The following PALLD variants were observed in gnomAD, a reference collection of about 807,000 sequenced individuals.
The protein encoded by PALLD is palladin, cytoskeletal associated protein.
PALLD carries 61 observed loss-of-function variants against 123.5 expected under a neutral mutation model. The ratio of observed to expected loss-of-function variants is 0.49; its 90% confidence interval spans 0.40 to 0.61. The LOEUF (loss-of-function observed/expected upper bound fraction) is 0.61, where lower values mean the gene tolerates loss of function less well. Among genes scored for constraint, PALLD ranks in the 20% least tolerant of loss-of-function variants. The probability of loss-of-function intolerance (pLI) is 0.00; values close to 1 mark genes in which losing one functional copy is unlikely to be tolerated. For missense variants in PALLD, 1,273 were observed against 1,377.0 expected (o/e 0.92, Z 1.20); for synonymous variants, 465 against 496.4 (o/e 0.94, Z 0.84).
intron 10 of PALLD, among the ~76,000 whole-genome samples, chr4:168,733,765 G>A (rs772951870): frequency 2.0e-5 from 3 of 150,710 alleles, no homozygotes; most frequent in Non-Finnish European, 4.5e-5. Flanking sequence ...ACGGAGTCTC[G>A]CTCTTTTGCC....
chr4:168,817,326 G>A (rs1432584636), intron 10 of PALLD, among the ~76,000 whole-genome samples: 1 of 152,196 alleles, frequency 6.6e-6, no homozygotes, highest in Non-Finnish European at 1.5e-5. Flanking sequence ...TTTAGCCCAA[G>A]ATGATGGAAG....
At chr4:168,767,786 A>G (rs1733884218) in intron 10 of PALLD, among the ~76,000 whole-genome samples, 1 of 152,142 alleles carries the variant, frequency 6.6e-6, no homozygotes, top group Non-Finnish European at 1.5e-5. Context: ...ACCTCAGGTA[A>G]TCCACCTGCC....
chr4:168,664,994 C>T (rs908379083), intron 2 of PALLD, among the ~76,000 whole-genome samples: 4 of 152,044 alleles, frequency 2.6e-5, no homozygotes, highest in African/African-American at 9.7e-5. Context: ...TATGAAGAGA[C>T]AAAATGTCAA....
At chr4:168,907,278 A>T (rs1271031801) in intron 15 of PALLD, among the ~76,000 whole-genome samples, 1 of 152,242 alleles carries the variant, frequency 6.6e-6, no homozygotes. Flanking sequence ...CCTACAACAG[A>T]AGCCTGTGGA....
chr4:168,518,763 G>A (rs1400199776), intron 2 of PALLD, among the ~76,000 whole-genome samples: 5 of 152,114 alleles, frequency 3.3e-5, no homozygotes, highest in African/African-American at 1.2e-4. Flanking sequence ...CATTTTATCT[G>A]TTTGATTTTT....
chr4:168,692,850 A>G (rs190755399), intron 8 of PALLD, among the ~76,000 whole-genome samples: 4 of 152,364 alleles, frequency 2.6e-5, no homozygotes, highest in African/African-American at 7.2e-5. Context: ...CGTTGTCATC[A>G]TGCACATAGG....
chr4:168,611,732 AC>A (rs2149767532), intron 2 of PALLD, among the ~76,000 whole-genome samples: 1 of 152,274 alleles, frequency 6.6e-6, no homozygotes, highest in South Asian at 2.1e-4. Flanking sequence ...CTGGGCTGAT[AC>A]TGCTCACGGA....
intron 2 of PALLD, among the ~76,000 whole-genome samples, chr4:168,604,221 G>A (rs138806713): frequency 8.3e-4 from 127 of 152,302 alleles, no homozygotes; most frequent in Non-Finnish European, 1.6e-3. Flanking sequence ...AGGACAAAAA[G>A]ACACTTGAAA....
intron 10 of PALLD, among the ~76,000 whole-genome samples, chr4:168,843,490 A>G (rs1361043608): frequency 6.6e-6 from 1 of 152,232 alleles, no homozygotes; most frequent in East Asian, 1.9e-4. Context: ...TTCTGTTGAT[A>G]TAATGCCGCA....
intron 2 of PALLD, among the ~76,000 whole-genome samples, chr4:168,611,367 G>A (rs543961191): frequency 6.6e-6 from 1 of 152,276 alleles, no homozygotes; most frequent in South Asian, 2.1e-4. Context: ...CTGCTGAACT[G>A]AATCGATTGT....
intron 10 of PALLD, among the ~76,000 whole-genome samples, chr4:168,725,412 G>A (rs948073146): frequency 2.0e-5 from 3 of 151,458 alleles, no homozygotes; most frequent in Non-Finnish European, 4.4e-5. Context: ...CTGGTTTCGG[G>A]GATGTATCAT....
intron 10 of PALLD, among the ~76,000 whole-genome samples, chr4:168,866,111 A>AAG (rs1328921526): frequency 1.3e-5 from 2 of 151,878 alleles, no homozygotes; most frequent in East Asian, 3.9e-4. Flanking sequence ...AAAAAAAAAA[A>AAG]AAATTCCACT....
At chr4:168,777,499 TA>T in intron 10 of PALLD, among the ~76,000 whole-genome samples, 1 of 148,274 alleles carries the variant, frequency 6.7e-6, no homozygotes, top group African/African-American at 2.4e-5. Flanking sequence ...AACAAGGAGA[TA>T]AGAAGGAAAC....
At chr4:168,645,115 A>G (rs1421701910) in intron 2 of PALLD, among the ~76,000 whole-genome samples, 1 of 151,514 alleles carries the variant, frequency 6.6e-6, no homozygotes, top group South Asian at 2.1e-4. Flanking sequence ...AAAAAAAAGG[A>G]AATAGGGAGA....
At chr4:168,890,066 A>G (rs72975235) in intron 10 of PALLD, among the ~76,000 whole-genome samples, 7,714 of 152,212 alleles carry the variant, frequency 0.051, 629 homozygotes, top group African/African-American at 0.17. Context: ...TTTCTCATTA[A>G]TTTTTGTCCA....
At chr4:168,715,056 C>T (rs1045663554) in intron 10 of PALLD, among the ~76,000 whole-genome samples, 9 of 152,018 alleles carry the variant, frequency 5.9e-5, no homozygotes, top group East Asian at 3.9e-4. Context: ...GACCTCCAGC[C>T]GAGTCTGTGG....
At chr4:168,885,277 T>TG (rs1170235122) in intron 10 of PALLD, 1 of 152,150 alleles carries the variant, frequency 6.6e-6, no homozygotes, top group Non-Finnish European at 1.5e-5. Context: ...TTCCCCAACT[T>TG]GGTTATTAGC....
chr4:168,701,354 C>A (rs557146059), intron 8 of PALLD, among the ~76,000 whole-genome samples: 1 of 152,242 alleles, frequency 6.6e-6, no homozygotes, highest in African/African-American at 2.4e-5. Context: ...TTATGCAGGG[C>A]TTCAGAGACC....
At chr4:168,859,011 T>A (rs1749040523) in intron 10 of PALLD, among the ~76,000 whole-genome samples, 1 of 152,244 alleles carries the variant, frequency 6.6e-6, no homozygotes, top group South Asian at 2.1e-4. Context: ...TTAAGACTTT[T>A]ATTTAAATGT....
Sources: allele counts gnomAD v4.1 joint callset (sites outside exome capture counted in the v4.1 genomes callset), GRCh38; gene constraint gnomAD v4.1.1; transcripts MANE v1.5; gene names NCBI Gene and HGNC (gene_info 2026-07-23, HGNC 2026-07-21).